Variants in SVEP1 observed in about 807,000 individuals in gnomAD.
The protein encoded by SVEP1 is sushi, von Willebrand factor type A, EGF and pentraxin domain containing 1, also known as sushi, von Willebrand factor type A, EGF and pentraxin domain-containing protein 1.
SVEP1 carries 164 observed loss-of-function variants against 367.3 expected under a neutral mutation model. That is an observed-to-expected ratio of 0.45 (90% confidence interval 0.39 to 0.51). The LOEUF (loss-of-function observed/expected upper bound fraction) is 0.51. Ranked by LOEUF, SVEP1 falls within the 20% of genes least tolerant of loss-of-function variation. SVEP1 has a pLI of 0.00. For missense variants in SVEP1, 4,117 were observed against 4,425.3 expected (o/e 0.93, Z 1.98); for synonymous variants, 1,666 against 1,611.6 (o/e 1.03, Z -0.81).
chr9:110,423,885 T>G (rs1564138331), intron 36 of SVEP1, among the ~76,000 whole-genome samples: 1 of 152,236 alleles, frequency 6.6e-6, no homozygotes, highest in Non-Finnish European at 1.5e-5. Flanking sequence ...TATACCCAGT[T>G]AAACTACAAT....
At chr9:110,497,642 T>A (rs1243041404) in intron 7 of SVEP1, among the ~76,000 whole-genome samples, 3 of 152,244 alleles carry the variant, frequency 2.0e-5, no homozygotes, top group Admixed American at 6.5e-5. Flanking sequence ...TGAAACGTAC[T>A]GTCAAAGCAA....
At chr9:110,467,078 A>G (rs1232945894) in intron 17 of SVEP1, among the ~76,000 whole-genome samples, 1 of 152,126 alleles carries the variant, frequency 6.6e-6, no homozygotes, top group Non-Finnish European at 1.5e-5. Flanking sequence ...TCTAGAGTTT[A>G]TATCAGTCAT....
In SVEP1 at chr9:110,471,490, T is replaced by C; in HGVS notation, c.2872A>G (p.Asn958Asp). 6.2e-7 allele frequency: 1 copy of C among 1,613,976 alleles called. No individual in the cohort carries two copies. The highest frequency in any genetic ancestry group is 8.5e-7 in the Non-Finnish European group (1 of 1,179,866). ...TITNKLKRTLNKDPMYSFQLA... is the reference protein window; with the variant it reads ...TITNKLKRTLDKDPMYSFQLA... Reference sequence around the variant, plus strand: ...TGAAAGGAATACATGGGGTCTTTGTTGAGAGTCCTTTTCAGTTTATTTGTG... The same window carrying C: ...TGAAAGGAATACATGGGGTCTTTGTCGAGAGTCCTTTTCAGTTTATTTGTG... The change falls in exon 16 of 48, where the codon AAC becomes GAC. Residue 958 changes from asparagine (N) to aspartate (D), a missense_variant. Asn to Asp is a conservative substitution (Grantham distance 23). Around this residue, in one of 4 missense-constraint regions of SVEP1, gnomAD observed 2,174 missense variants for 2,494.3 expected, o/e 0.87. Transcript: ENST00000374469.
chr9:110,436,578 A>T, intron 27 of SVEP1, 74 bp from the exon 28 acceptor site: 1 of 1,531,082 alleles, frequency 6.5e-7, no homozygotes, highest in Non-Finnish European at 8.8e-7. Flanking sequence ...TCCAAATTTA[A>T]TGAAAGCACG....
chr9:110,460,466 G>A (rs1335705802), intron 18 of SVEP1, among the ~76,000 whole-genome samples: 1 of 152,126 alleles, frequency 6.6e-6, no homozygotes, highest in African/African-American at 2.4e-5. Context: ...TAAATTCAAA[G>A]GAGTGGTGGG....
In SVEP1 at chr9:110,408,499, C is replaced by T. The variant is rs778677990; in HGVS notation, c.7101G>A (p.Gln2367=). 5 of 1,613,814 alleles carry T rather than the reference C, an allele frequency of 3.1e-6. No homozygotes were observed. The highest frequency in any genetic ancestry group is 1.7e-4 in the Middle Eastern group (1 of 6,060). The change falls in exon 38 of 48, where the codon CAG becomes CAA. Residue 2367 remains glutamine (Q), a synonymous_variant. Transcript: ENST00000374469. ...GPSVLKCLPS[Q]QWNDSFPVCK... is the part of the protein sequence containing the mutation. ...AAACAGGGAAAGAGTCATTCCATTG[C>T]TGGGATGGCAAGCATTTCAGGACAG...
intron 3 of SVEP1, among the ~76,000 whole-genome samples, chr9:110,533,950 T>G (rs1339971769): frequency 6.6e-6 from 1 of 152,108 alleles, no homozygotes; most frequent in East Asian, 1.9e-4. Flanking sequence ...GAGCAATGAG[T>G]GCTATGGATG....
At chr9:110,574,588 A>G (rs1830603014) in intron 1 of SVEP1, among the ~76,000 whole-genome samples, 1 of 152,140 alleles carries the variant, frequency 6.6e-6, no homozygotes, top group Non-Finnish European at 1.5e-5. Flanking sequence ...TCAAGCCTCA[A>G]CCAACACCAT....
intron 2 of SVEP1, among the ~76,000 whole-genome samples, chr9:110,548,551 AAAAC>A (rs929531152): frequency 4.6e-5 from 7 of 152,278 alleles, no homozygotes; most frequent in Middle Eastern, 3.4e-3. Context: ...ATGTAAAAAC[AAAAC>A]AAACAAACAA....
At chr9:110,557,777 G>C (rs1830373104) in intron 1 of SVEP1, among the ~76,000 whole-genome samples, 1 of 152,078 alleles carries the variant, frequency 6.6e-6, no homozygotes. Context: ...ATTAAAGCAA[G>C]CTGATAACCC....
intron 46 of SVEP1, among the ~76,000 whole-genome samples, chr9:110,372,036 C>G (rs543562757): frequency 1.3e-3 from 193 of 152,298 alleles, no homozygotes; most frequent in African/African-American, 4.3e-3. Flanking sequence ...GTTTCCTGAT[C>G]GGATGCTGCC....
intron 43 of SVEP1, among the ~76,000 whole-genome samples, chr9:110,380,842 T>C (rs1827422567): frequency 6.6e-6 from 1 of 152,198 alleles, no homozygotes; most frequent in South Asian, 2.1e-4. Flanking sequence ...GGTTGTAGGC[T>C]ATTTATTACT....
At chr9:110,381,659 T>C (rs1219192271) in intron 43 of SVEP1, among the ~76,000 whole-genome samples, 1 of 152,210 alleles carries the variant, frequency 6.6e-6, no homozygotes, top group Non-Finnish European at 1.5e-5. Context: ...GAGAAGAATG[T>C]ATATTCTGTT....
chr9:110,465,742 AAG>A, intron 18 of SVEP1, 121 bp downstream of exon 18: 1 of 1,256,674 alleles, frequency 8.0e-7, no homozygotes, highest in Non-Finnish European at 1.1e-6. Context: ...CCTCTTTATG[AAG>A]AGACAGTTAT....
chr9:110,557,479 T>C (rs10980441), intron 1 of SVEP1, among the ~76,000 whole-genome samples: 16,056 of 150,896 alleles, frequency 0.11, 1,044 homozygotes, highest in East Asian at 0.3. Context: ...TTCCCTCCCT[T>C]CCTGCCTCCC....
At chr9:110,478,221 G>A (rs1046602344) in intron 13 of SVEP1, among the ~76,000 whole-genome samples, 1 of 152,176 alleles carries the variant, frequency 6.6e-6, no homozygotes, top group African/African-American at 2.4e-5. Flanking sequence ...GGAACCTAGT[G>A]AGGCTTTCCC....
chr9:110,440,218 T>C (rs1008193746), intron 27 of SVEP1, among the ~76,000 whole-genome samples: 1 of 152,224 alleles, frequency 6.6e-6, no homozygotes, highest in Non-Finnish European at 1.5e-5. Flanking sequence ...CCCAACACTA[T>C]GTTATGTTTC....
chr9:110,379,958 T>C (rs1182619666), intron 43 of SVEP1, among the ~76,000 whole-genome samples: 1 of 152,238 alleles, frequency 6.6e-6, no homozygotes, highest in Non-Finnish European at 1.5e-5. Context: ...GCCTAGCATT[T>C]ATTAGTGCCT....
chr9:110,552,024 CTTT>C (rs34366561), intron 1 of SVEP1, among the ~76,000 whole-genome samples: 2 of 77,034 alleles, frequency 2.6e-5, no homozygotes, highest in South Asian at 5.8e-4. Context: ...GGTACCCAAC[CTTT>C]TTTTTTTTTT....
Sources: allele counts gnomAD v4.1 joint callset (sites outside exome capture counted in the v4.1 genomes callset), GRCh38; gene constraint gnomAD v4.1.1; regional missense constraint gnomAD v4.1.1; transcripts MANE v1.5; gene names NCBI Gene and HGNC (gene_info 2026-07-23, HGNC 2026-07-21).